WDPCP: variants seen among roughly 807,000 people sequenced by gnomAD.
WDPCP encodes WD repeat containing planar cell polarity effector.
WDPCP carries 71 observed loss-of-function variants against 93.1 expected under a neutral mutation model. The ratio of observed to expected loss-of-function variants is 0.76; its 90% confidence interval spans 0.63 to 0.93. The LOEUF (loss-of-function observed/expected upper bound fraction) is 0.93, where lower values mean the gene tolerates loss of function less well. Ranked by LOEUF, WDPCP falls within the 40% of genes least tolerant of loss-of-function variation. WDPCP has a pLI of 0.00. For missense variants in WDPCP, 844 were observed against 887.4 expected, an observed-to-expected ratio of 0.95 and a Z score of 0.62; for synonymous variants, 315 against 315.0, an observed-to-expected ratio of 1.00 and a Z score of 0.00.
intron 10 of WDPCP, among the ~76,000 whole-genome samples, chr2:63,401,976 T>C (rs1694184745): frequency 6.6e-6 from 1 of 152,176 alleles, no homozygotes; most frequent in Non-Finnish European, 1.5e-5. Context: ...TTACTGAGTA[T>C]ATACCCAAAG....
At chr2:63,636,618 G>T (rs950651533) in intron 3 of WDPCP, among the ~76,000 whole-genome samples, 1 of 151,924 alleles carries the variant, frequency 6.6e-6, no homozygotes, top group Non-Finnish European at 1.5e-5. Flanking sequence ...TTCACTTTTT[G>T]TAGAGACAGG....
In WDPCP at chr2:63,588,297, G is replaced by T; in HGVS notation, c.-26C>A. The T allele has an allele frequency of 1.3e-6, 2 of 1,563,848 alleles. No homozygotes were observed. Among genetic ancestry groups the T allele is most frequent in the African/African-American group, 1.4e-5 (1 of 73,412 alleles). On this transcript the variant is annotated 5_prime_UTR_variant, in exon 1 of 18. Transcript: ENST00000272321. ...CACCAGACACTACCCCGGGCAGAAGGTTCCTAGGCTAGGTCCTCGGACCCG... is the reference window on the plus strand; with the variant it reads ...CACCAGACACTACCCCGGGCAGAAGTTTCCTAGGCTAGGTCCTCGGACCCG...
intron 3 of WDPCP, among the ~76,000 whole-genome samples, chr2:63,608,461 C>T (rs1372055723): frequency 2.0e-5 from 3 of 152,132 alleles, no homozygotes; most frequent in African/African-American, 7.2e-5. Flanking sequence ...ACACTGTCCA[C>T]ATGTAATAGG....
At chr2:63,624,900 C>T (rs1709791570) in intron 3 of WDPCP, among the ~76,000 whole-genome samples, 1 of 152,156 alleles carries the variant, frequency 6.6e-6, no homozygotes, top group African/African-American at 2.4e-5. Flanking sequence ...TGACAATATC[C>T]CTGATGAACA....
At chr2:63,485,703 A>T (rs572427266) in intron 4 of WDPCP, among the ~76,000 whole-genome samples, 4 of 152,040 alleles carry the variant, frequency 2.6e-5, no homozygotes, top group African/African-American at 9.6e-5. Context: ...AAAATAATTT[A>T]AAAATGTTAA....
chr2:63,214,826 AT>A (rs1677174339), intron 14 of WDPCP, among the ~76,000 whole-genome samples: 1 of 152,192 alleles, frequency 6.6e-6, no homozygotes, highest in South Asian at 2.1e-4. Context: ...CTGTACACCA[AT>A]AACAGACAAA....
Position 63,220,003 on chromosome 2 carries a change from C to CA in WDPCP, c.1915+39303dup, listed in dbSNP as rs981923071. ...GGCGACAGAGTGAGGCTCTGTCTCC[C>CA]AAAAAAAAATAAAAAATAAAAAGGT... On this transcript the variant is annotated intron_variant, in intron 14 of 17. Transcript: ENST00000272321. Among the ~76,000 whole-genome samples the CA allele has an allele frequency of 1.1e-3, 163 of 146,676 alleles. 2 individuals are homozygous for CA. Among genetic ancestry groups the CA allele is most frequent in the East Asian group, 4.8e-3 (24 of 5,038 alleles).
chr2:63,148,739 A>T (rs905179160), intron 17 of WDPCP, among the ~76,000 whole-genome samples: 1 of 152,172 alleles, frequency 6.6e-6, no homozygotes, highest in African/African-American at 2.4e-5. Context: ...ATGGAGAAAT[A>T]GTAGATTCTA....
At chr2:63,426,595 A>G (rs1042832929) in intron 9 of WDPCP, among the ~76,000 whole-genome samples, 3 of 152,236 alleles carry the variant, frequency 2.0e-5, no homozygotes, top group African/African-American at 7.2e-5. Context: ...CCACAAAAAC[A>G]CAAGTAAGCA....
rs563722242 is a variant in WDPCP at position 63,533,061 on chromosome 2, T to C, written c.76-40121A>G. The stretch of plus-strand genomic sequence containing the variant: ...CAAAAAAAAGCAGGGGTTGCAATCC[T>C]AGTCTCTGATAAAACAGACTTTAAG... On this transcript the variant is annotated intron_variant, in intron 1 of 17. Transcript: ENST00000272321. 1.3e-3 allele frequency among the ~76,000 whole-genome samples: 194 copies of C among 152,296 alleles called. 1 individual carries two copies. Among genetic ancestry groups the C allele is most frequent in the Non-Finnish European group, 2.1e-3 (141 of 68,018 alleles).
intron 2 of WDPCP, chr2:63,752,385 C>T: frequency 1.3e-6 from 1 of 764,006 alleles, no homozygotes; most frequent in South Asian, 1.3e-5. Context: ...CTCTTTGGTT[C>T]CACAGCTTTC....
At chr2:63,317,671 C>T (rs7570649) in intron 12 of WDPCP, among the ~76,000 whole-genome samples, 121,868 of 152,100 alleles carry the variant, frequency 0.8, 49,690 homozygotes, top group East Asian at 0.96. Context: ...GGGAAATGAC[C>T]TCCTATTTAA....
In WDPCP at chr2:63,588,359, C is replaced by G. The variant is rs1709026613; in HGVS notation, c.-88G>C. ...CACGCTCGCTTGGTCTCTTGGGTCT[C>G]CAGGACGCCGCCGCCGCCGCCACAG... On this transcript the variant is annotated 5_prime_UTR_variant, in exon 1 of 18. Transcript: ENST00000272321. The G allele has an allele frequency of 1.4e-6, 2 of 1,471,474 alleles. No individual in the cohort carries two copies. The highest frequency in any genetic ancestry group is 1.4e-5 in the African/African-American group (1 of 71,540). The allele number at this position is 1,471,474 out of a possible 1,614,324, so 91.2% of individuals were successfully genotyped here. A position where few individuals can be genotyped will look rare whatever the true frequency, so the allele number is the denominator to read the frequency against.
chr2:63,201,249 C>G (rs1675891324), intron 14 of WDPCP, among the ~76,000 whole-genome samples: 1 of 152,126 alleles, frequency 6.6e-6, no homozygotes, highest in East Asian at 1.9e-4. Context: ...TATAAGTTTC[C>G]TGAGGCCTCC....
intron 6 of WDPCP, among the ~76,000 whole-genome samples, chr2:63,463,450 A>G (rs1034130387): frequency 9.2e-5 from 14 of 152,194 alleles, no homozygotes; most frequent in African/African-American, 3.1e-4. Flanking sequence ...GTACTGACCA[A>G]GAGTTGGGTT....
intron 17 of WDPCP, among the ~76,000 whole-genome samples, chr2:63,147,660 T>C (rs1671607548): frequency 6.6e-6 from 1 of 152,190 alleles, no homozygotes; most frequent in Non-Finnish European, 1.5e-5. Flanking sequence ...ATACAGATAC[T>C]GCCTTTTAGA....
chr2:63,409,731 CACTT>C (rs1694890853), intron 9 of WDPCP, among the ~76,000 whole-genome samples: 2 of 151,992 alleles, frequency 1.3e-5, no homozygotes, highest in African/African-American at 4.8e-5. Context: ...ACATTGGAAA[CACTT>C]ATAGAAATGC....
chr2:63,810,687 T>C (rs567545831), intron 2 of WDPCP, among the ~76,000 whole-genome samples: 1 of 152,364 alleles, frequency 6.6e-6, no homozygotes, highest in East Asian at 1.9e-4. Flanking sequence ...GGAATTCAAA[T>C]TTATTCCATA....
chr2:63,533,944 A>C (rs115861958), intron 1 of WDPCP, among the ~76,000 whole-genome samples: 2,104 of 152,302 alleles, frequency 0.014, 47 homozygotes, highest in African/African-American at 0.049. Flanking sequence ...GAAAAGATCA[A>C]CAAAACAGAT....
Sources: allele counts gnomAD v4.1 joint callset (sites outside exome capture counted in the v4.1 genomes callset), GRCh38; gene constraint gnomAD v4.1.1; transcripts MANE v1.5; gene names NCBI Gene and HGNC (gene_info 2026-07-23, HGNC 2026-07-21).